EEF1E1: variants seen among roughly 807,000 people sequenced by gnomAD.
The protein encoded by EEF1E1 is eukaryotic translation elongation factor 1 epsilon 1.
EEF1E1 carries 19 observed loss-of-function variants against 19.9 expected under a neutral mutation model. That is an observed-to-expected ratio of 0.95 (90% CI 0.66 to 1.40). The LOEUF (loss-of-function observed/expected upper bound fraction) is 1.40. Among genes scored for constraint, EEF1E1 ranks in the 40% most tolerant of loss-of-function variants. EEF1E1 has a pLI of 0.00. For synonymous variants in EEF1E1, 81 were observed against 80.0 expected (o/e 1.01, Z -0.07); for missense variants, 198 against 202.2 (o/e 0.98, Z 0.13).
rs186707717 is a variant in EEF1E1 at position 8,084,259 on chromosome 6, A to G, written c.385-4229T>C. On this transcript the variant is annotated intron_variant, in intron 3 of 3. Transcript: ENST00000379715. The stretch of plus-strand genomic sequence containing the variant: ...TGTAACCCTAACTTTAACATGCTGT[A>G]CTGAATGAAACACTTCTAACCTGCC... 4.1e-4 allele frequency among the ~76,000 whole-genome samples: 63 copies of G among 152,368 alleles called. No individual in the cohort carries two copies. In the South Asian group the frequency reaches 6.0e-3, roughly 15 times the overall value.
At chr6:8,086,212 G>A (rs543140216) in intron 3 of EEF1E1, among the ~76,000 whole-genome samples, 2 of 152,210 alleles carry the variant, frequency 1.3e-5, no homozygotes, top group Admixed American at 6.5e-5. Context: ...ATTACGGTAC[G>A]TTTGCGGGGT....
intron 1 of EEF1E1, chr6:8,101,998 T>C: frequency 2.4e-6 from 3 of 1,239,630 alleles, no homozygotes; most frequent in African/African-American, 3.1e-5. Context: ...ATCATCATTG[T>C]ATTCCCCAGA....
At chr6:8,075,541 T>G (rs535263169), downstream of EEF1E1, among the ~76,000 whole-genome samples, 359 of 152,308 alleles carry the variant, frequency 2.4e-3, 1 homozygote, top group African/African-American at 8.3e-3. Context: ...AACCACAATG[T>G]ATGCACCTTA....
intron 3 of EEF1E1, among the ~76,000 whole-genome samples, chr6:8,087,544 G>A (rs992723675): frequency 7.2e-5 from 11 of 152,184 alleles, no homozygotes; most frequent in African/African-American, 2.7e-4. Flanking sequence ...GTAGAGATGG[G>A]GTTTCGCCAT....
downstream of EEF1E1, chr6:8,078,357 CACA>C (rs1757647904): frequency 5.9e-6 from 1 of 168,828 alleles, no homozygotes; most frequent in African/African-American, 2.4e-5. Flanking sequence ...TCAGAACACA[CACA>C]ACATTTATTA....
At chr6:8,086,565 A>C (rs956882221) in intron 3 of EEF1E1, among the ~76,000 whole-genome samples, 3 of 152,174 alleles carry the variant, frequency 2.0e-5, no homozygotes, top group African/African-American at 7.2e-5. Context: ...TTATAAGACA[A>C]AGAGCTTCCC....
intron 3 of EEF1E1, 84 bp from the exon 4 acceptor site, chr6:8,080,114 G>C: frequency 6.8e-7 from 1 of 1,469,186 alleles, no homozygotes; most frequent in Non-Finnish European, 9.3e-7. Flanking sequence ...GGAGATAGAA[G>C]TTGAAAAACA....
At chr6:8,092,868 G>GTTTTTTTTTTTTTTTTT in intron 2 of EEF1E1, among the ~76,000 whole-genome samples, 1 of 108,180 alleles carries the variant, frequency 9.2e-6, no homozygotes, top group Non-Finnish European at 1.9e-5. Context: ...GATAAAGACT[G>GTTTTTTTTTTTTTTTTT]CTTTTTTTTT....
At position 8,088,647 on chromosome 6, in the gene EEF1E1, C is replaced by G. The variant is rs535784064; in HGVS notation, c.384+1539G>C. On this transcript the variant is annotated intron_variant, in intron 3 of 3. Coordinates refer to ENST00000379715, the MANE Select transcript of EEF1E1 (RefSeq NM_004280.5). ...CCAGCCACTGTTAAGTCCATTAAAC[C>G]CTTTTTCCTGTATATATATTACCCA... Among the ~76,000 whole-genome samples the G allele has an allele frequency of 5.3e-5, 8 of 152,142 alleles. No homozygotes were observed. The East Asian group carries it at 1.5e-3, about 29-fold the overall frequency.
At chr6:8,074,454 G>A (rs1757546782), downstream of EEF1E1, among the ~76,000 whole-genome samples, 1 of 152,240 alleles carries the variant, frequency 6.6e-6, no homozygotes, top group Admixed American at 6.5e-5. Context: ...GATAAGCAAG[G>A]GAAAATATAG....
chr6:8,079,504 A>G lies in EEF1E1; in HGVS notation c.*386T>C. ...TTATCAGTTCTTAACAAACTACCAT[A>G]AATATCCATAAGGGGAAAATGAATT... On this transcript the variant is annotated 3_prime_UTR_variant, in exon 4 of 4. Coordinates refer to ENST00000379715, the MANE Select transcript of EEF1E1 (RefSeq NM_004280.5). 3.0e-6 allele frequency: 3 copies of G among 994,430 alleles called. No homozygotes were observed. The highest frequency in any genetic ancestry group is 3.6e-6 in the Non-Finnish European group (3 of 834,536). The allele number at this position is 994,430 out of a possible 1,614,324, so 61.6% of individuals were successfully genotyped here.
chr6:8,076,941 GTTTTTGTTTTTT>G (rs1338885002), downstream of EEF1E1, among the ~76,000 whole-genome samples: 11 of 130,010 alleles, frequency 8.5e-5, no homozygotes, highest in South Asian at 2.5e-4. Context: ...TTTTGTTTTT[GTTTTTGTTTTTT>G]TTTTTTTGAG....
At chr6:8,099,711 C>T (rs1273256641) in intron 1 of EEF1E1, among the ~76,000 whole-genome samples, 2 of 149,762 alleles carry the variant, frequency 1.3e-5, no homozygotes, top group Non-Finnish European at 1.5e-5. Context: ...CGCACCATTG[C>T]ACTCCAGCCC....
At chr6:8,087,247 C>T (rs1757883856) in intron 3 of EEF1E1, among the ~76,000 whole-genome samples, 1 of 152,172 alleles carries the variant, frequency 6.6e-6, no homozygotes, top group South Asian at 2.1e-4. Flanking sequence ...GACAGGGTTT[C>T]ACTCTTGTCG....
intron 2 of EEF1E1, among the ~76,000 whole-genome samples, chr6:8,095,880 A>C (rs1218317144): frequency 6.6e-6 from 1 of 152,214 alleles, no homozygotes; most frequent in East Asian, 1.9e-4. Context: ...AATCGGTCTC[A>C]CCCACCAGTC....
intron 3 of EEF1E1, among the ~76,000 whole-genome samples, chr6:8,081,876 T>C (rs1757731542): frequency 6.6e-6 from 1 of 152,214 alleles, no homozygotes; most frequent in Non-Finnish European, 1.5e-5. Context: ...AAATCTGACC[T>C]CTTTCTTACC....
At chr6:8,082,444 AT>A (rs1757746147) in intron 3 of EEF1E1, among the ~76,000 whole-genome samples, 1 of 151,992 alleles carries the variant, frequency 6.6e-6, no homozygotes, top group South Asian at 2.1e-4. Context: ...CACCTGGCTA[AT>A]TTTTTGTACT....
At position 8,079,895 on chromosome 6, in the gene EEF1E1, G is replaced by T; in HGVS notation, c.520C>A (p.His174Asn). The change falls in exon 4 of 4, where the codon CAC becomes AAC. Residue 174 changes from histidine (H) to asparagine (N), a missense_variant. Physicochemically the swap from His to Asn is moderately conservative, Grantham distance 68. Transcript: ENST00000379715. Reference sequence around the variant, plus strand: ...CTGTATGGCATGGACAGCTTCTAGTGGGAATTAGTATATAGTCTGTTCTTG... The same window carrying T: ...CTGTATGGCATGGACAGCTTCTAGTTGGAATTAGTATATAGTCTGTTCTTG... ...FIKNRLYTNS[H>N] is the part of the protein sequence containing the mutation. The T allele has an allele frequency of 6.2e-7, 1 of 1,611,222 alleles. No individual in the cohort carries two copies.
At chr6:8,076,918 G>A (rs1757604406), downstream of EEF1E1, among the ~76,000 whole-genome samples, 1 of 150,502 alleles carries the variant, frequency 6.6e-6, no homozygotes, top group African/African-American at 2.4e-5. Context: ...CAGAGTAGAT[G>A]TAGCATGATT....
Sources: allele counts gnomAD v4.1 joint callset (sites outside exome capture counted in the v4.1 genomes callset), GRCh38; gene constraint gnomAD v4.1.1; transcripts MANE v1.5; gene names NCBI Gene and HGNC (gene_info 2026-07-23, HGNC 2026-07-21).